LNX1: variants seen among roughly 807,000 people sequenced by gnomAD.
LNX1 encodes the protein E3 ubiquitin-protein ligase LNX.
Under a neutral mutation model 68.4 loss-of-function variants are expected in LNX1, and 54 were observed. That is an observed-to-expected ratio of 0.79 (90% CI 0.63 to 0.99). The LOEUF (loss-of-function observed/expected upper bound fraction) is 0.99, where lower values mean the gene tolerates loss of function less well. LNX1 is among the 50% of genes least tolerant of loss of function. LNX1 has a pLI of 0.00. For missense variants in LNX1, 906 were observed against 926.4 expected, an observed-to-expected ratio of 0.98 and a Z score of 0.29; for synonymous variants, 336 against 350.0, an observed-to-expected ratio of 0.96 and a Z score of 0.45.
intron 1 of LNX1, among the ~76,000 whole-genome samples, chr4:53,583,925 C>T (rs532551805): frequency 1.3e-4 from 18 of 137,326 alleles, no homozygotes; most frequent in African/African-American, 4.7e-4. Context: ...TAGAACTGAC[C>T]CCCTGCAAAC....
At chr4:53,593,180 G>C (rs1023584789), upstream of LNX1, 3 of 152,130 alleles carry the variant, frequency 2.0e-5, no homozygotes, top group Non-Finnish European at 4.4e-5. Context: ...TTTGATAATT[G>C]AGAAACATCA....
rs757401803 is a variant in LNX1, at chr4:53,557,998, AC to A, written c.380+15624del. The A allele has an allele frequency of 1.6e-5, 25 of 1,612,102 alleles. No individual in the cohort carries two copies. The South Asian group carries it at 2.8e-4, about 18-fold the overall frequency. ...GCAGTGTGCTGCCTTCTCCCTGGCCACCTTCTGTCAGCTACAAGGGCCCAAA... is the reference window on the plus strand; with the variant it reads ...GCAGTGTGCTGCCTTCTCCCTGGCCACTTCTGTCAGCTACAAGGGCCCAAA... On this transcript the variant is annotated intron_variant, in intron 2 of 10. Transcript: ENST00000263925.
intron 2 of LNX1, among the ~76,000 whole-genome samples, chr4:53,599,794 A>T (rs1397567721): frequency 6.6e-6 from 1 of 152,216 alleles, no homozygotes; most frequent in African/African-American, 2.4e-5. Flanking sequence ...TCACCCGAGA[A>T]AACCTATACC....
At chr4:53,648,229 A>T (rs1734963988) in intron 1 of LNX1, among the ~76,000 whole-genome samples, 2 of 152,224 alleles carry the variant, frequency 1.3e-5, no homozygotes, top group Admixed American at 1.3e-4. Context: ...AACAGTGCAC[A>T]AGCATTCCAA....
intron 9 of LNX1, among the ~76,000 whole-genome samples, chr4:53,471,500 T>C (rs1273138603): frequency 6.6e-6 from 1 of 152,166 alleles, no homozygotes; most frequent in Non-Finnish European, 1.5e-5. Flanking sequence ...TGGGATCTAA[T>C]TAAATGAAAG....
intron 2 of LNX1, among the ~76,000 whole-genome samples, chr4:53,525,080 C>T (rs1727513216): frequency 6.6e-6 from 1 of 152,180 alleles, no homozygotes; most frequent in African/African-American, 2.4e-5. Flanking sequence ...CTTTTACAAC[C>T]ACAGGGCCTC....
chr4:53,652,165 T>C (rs543784739), intron 1 of LNX1: 2 of 152,320 alleles, frequency 1.3e-5, no homozygotes, highest in African/African-American at 4.8e-5. Context: ...CGGGCCATCT[T>C]ACCTTTGCTG....
intron 1 of LNX1, among the ~76,000 whole-genome samples, chr4:53,631,005 A>C (rs1172077402): frequency 6.6e-6 from 1 of 152,244 alleles, no homozygotes; most frequent in African/African-American, 2.4e-5. Flanking sequence ...CAGGTAAACC[A>C]ACAGGGGAAA....
intron 6 of LNX1, among the ~76,000 whole-genome samples, chr4:53,486,691 G>GA (rs1017171618): frequency 9.9e-5 from 15 of 151,830 alleles, no homozygotes; most frequent in Non-Finnish European, 1.3e-4. Flanking sequence ...AATATTCAGA[G>GA]AAAAAAAAGA....
At chr4:53,610,656 C>T (rs1330036489) in intron 2 of LNX1, among the ~76,000 whole-genome samples, 4 of 144,692 alleles carry the variant, frequency 2.8e-5, no homozygotes, top group Non-Finnish European at 4.5e-5. Context: ...TGCAGTGAGC[C>T]GAGATCGCAC....
chr4:53,590,075 AC>A (rs573311184), intron 1 of LNX1, among the ~76,000 whole-genome samples: 21 of 150,384 alleles, frequency 1.4e-4, no homozygotes, highest in East Asian at 1.4e-3. Flanking sequence ...TGGTGGCCAA[AC>A]CCCCCCCCTT....
chr4:53,588,215 G>T (rs1017063287), intron 1 of LNX1, among the ~76,000 whole-genome samples: 1 of 152,146 alleles, frequency 6.6e-6, no homozygotes, highest in Non-Finnish European at 1.5e-5. Context: ...CCAAAGCAAA[G>T]AAATATTAAG....
chr4:53,482,682 T>C (rs774408805), intron 6 of LNX1, among the ~76,000 whole-genome samples: 18 of 152,132 alleles, frequency 1.2e-4, no homozygotes, highest in Non-Finnish European at 4.4e-5. Context: ...AGTAATATAA[T>C]GGACTTTGGA....
chr4:53,632,476 A>G (rs1377438802), intron 1 of LNX1, among the ~76,000 whole-genome samples: 1 of 152,236 alleles, frequency 6.6e-6, no homozygotes, highest in East Asian at 1.9e-4. Context: ...CAAGAGGGTC[A>G]GTCAGACAAT....
chr4:53,541,359 C>T (rs1252528935), intron 2 of LNX1, among the ~76,000 whole-genome samples: 1 of 152,092 alleles, frequency 6.6e-6, no homozygotes, highest in East Asian at 1.9e-4. Context: ...AATTATTTCT[C>T]TAAGGAAAAG....
At chr4:53,650,260 T>C (rs17730986) in intron 1 of LNX1, among the ~76,000 whole-genome samples, 17,385 of 152,170 alleles carry the variant, frequency 0.11, 1,163 homozygotes, top group Non-Finnish European at 0.16. Context: ...CTGAGCAAAG[T>C]AGGCACCTGT....
intron 4 of LNX1, among the ~76,000 whole-genome samples, chr4:53,506,171 G>A (rs1004610094): frequency 5.3e-5 from 8 of 152,154 alleles, no homozygotes; most frequent in African/African-American, 1.7e-4. Flanking sequence ...TTAAAATCTT[G>A]GTTCTGCCAT....
At position 53,556,328 on chromosome 4, in the gene LNX1, T is replaced by C. The variant is rs79437553; in HGVS notation, c.380+17295A>G. ...AAAGCATTCTCCCCTATAGCCTTCA[T>C]AGGGAGCATGACCTTGCTGACACCT... On this transcript the variant is annotated intron_variant, in intron 2 of 10. Coordinates refer to ENST00000263925, the MANE Select transcript of LNX1 (RefSeq NM_001126328.3). 8.3e-3 allele frequency among the ~76,000 whole-genome samples: 1,266 copies of C among 152,228 alleles called. 26 individuals are homozygous for C. Among genetic ancestry groups the C allele is most frequent in the African/African-American group, 0.029 (1,211 of 41,540 alleles).
At chr4:53,580,903 T>C (rs994838794) in intron 1 of LNX1, among the ~76,000 whole-genome samples, 2 of 152,120 alleles carry the variant, frequency 1.3e-5, no homozygotes, top group Non-Finnish European at 1.5e-5. Context: ...AAAAGGGAAA[T>C]GAAAACCATT....
Sources: gnomAD v4.1 joint callset for allele counts (sites outside exome capture counted in the v4.1 genomes callset) on GRCh38, gnomAD v4.1.1 for gene constraint, MANE v1.5 for transcripts, NCBI Gene and HGNC (gene_info 2026-07-23, HGNC 2026-07-21) for gene names.